NECAB3: variants seen among roughly 807,000 people sequenced by gnomAD.
NECAB3 encodes N-terminal EF-hand calcium-binding protein 3.
A neutral mutation model predicts 57.2 loss-of-function variants in NECAB3; 38 were observed. The ratio of observed to expected loss-of-function variants is 0.66; its 90% confidence interval spans 0.51 to 0.87. NECAB3 has a LOEUF of 0.87. NECAB3 is among the 40% of genes least tolerant of loss of function. NECAB3 has a pLI of 0.00. For synonymous variants in NECAB3, 223 were observed against 222.6 expected (o/e 1.00, Z -0.02); for missense variants, 474 against 527.5 (o/e 0.90, Z 0.99).
At chr20:33,662,313 G>A (rs2017502951) in intron 5 of NECAB3, 11 of 1,549,442 alleles carry the variant, frequency 7.1e-6, no homozygotes, top group Admixed American at 2.0e-5. Context: ...GACGGAGTGT[G>A]GGCCATCGTC....
intron 5 of NECAB3, chr20:33,667,725 C>T (rs750864793): frequency 1.9e-6 from 3 of 1,612,334 alleles, no homozygotes; most frequent in Non-Finnish European, 2.5e-6. Context: ...CCCGCAAGGC[C>T]ATCACACATC....
At position 33,674,343 on chromosome 20, in the gene NECAB3, C is replaced by T; in HGVS notation, c.10G>A (p.Ala4Thr). 1 of 1,200,060 alleles carries T rather than the reference C, an allele frequency of 8.3e-7. No homozygotes were observed. The highest frequency in any genetic ancestry group is 1.0e-6 in the Non-Finnish European group (1 of 967,404). 74.3% of individuals were successfully genotyped at this position (1,200,060 alleles called of 1,614,324 possible). A position where few individuals can be genotyped will look rare whatever the true frequency, so the allele number is the denominator to read the frequency against. MACAGLLTVCLLRP... is the reference protein window; with the variant it reads MACTGLLTVCLLRP... Reference sequence around the variant, plus strand: ...AGCAGGCACACGGTGAGCAGCCCCGCGCACGCCATGGCGCCGCCACCCGCT... The same window carrying T: ...AGCAGGCACACGGTGAGCAGCCCCGTGCACGCCATGGCGCCGCCACCCGCT... Residue 4 changes from alanine (A) to threonine (T), a missense_variant, in exon 1 of 12, where the codon GCG becomes ACG. Transcript: ENST00000246190.
chr20:33,660,288 A>G lies in NECAB3; in HGVS notation c.495T>C (p.Asp165=). 6.2e-7 allele frequency: 1 copy of G among 1,613,282 alleles called. No homozygotes were observed. The highest frequency in any genetic ancestry group is 8.5e-7 in the Non-Finnish European group (1 of 1,179,956). The change falls in exon 6 of 12, where the codon GAT becomes GAC. Residue 165 remains aspartate, a synonymous_variant. Transcript: ENST00000246190. The surrounding 1 kb of genome is among the most constrained non-coding windows in gnomAD (Gnocchi z 4.1). ...AGCCATGGGCCTGGGCCTCCAGGGT[A>G]TCTGACGCCCCCTCCAGCGAGCTCT... ...ALQSSLEGAS[D]TLEAQAHGWR... is the part of the protein sequence containing the mutation.
chr20:33,669,445 T>C lies in NECAB3; in HGVS notation c.317A>G (p.Tyr106Cys), dbSNP rs773114376. The C allele has an allele frequency of 1.2e-6, 2 of 1,613,674 alleles. No homozygotes were observed. The highest frequency in any genetic ancestry group is 3.3e-5 in the Admixed American group (2 of 60,012). The change falls in exon 5 of 12, where the codon TAC becomes TGC. Residue 106 changes from tyrosine to cysteine, a missense_variant. Transcript: ENST00000246190. ...CDYFSEHLGVYRPVLAALESL... is the reference protein window; with the variant it reads ...CDYFSEHLGVCRPVLAALESL... ...TTCCAATGCAGCCAGCACCGGCCGG[T>C]AGACACCCAGGTGCTCTGAGAAGTA...
intron 1 of NECAB3, among the ~76,000 whole-genome samples, chr20:33,673,915 C>T (rs2017889130): frequency 6.6e-6 from 1 of 152,070 alleles, no homozygotes; most frequent in Non-Finnish European, 1.5e-5. Context: ...GTCAGCCCAG[C>T]CTGGAGCTGC....
intron 7 of NECAB3, 75 bp downstream of exon 7, chr20:33,659,810 G>A: frequency 6.5e-7 from 1 of 1,530,580 alleles, no homozygotes; most frequent in Non-Finnish European, 8.8e-7. Flanking sequence ...GAGGGGCAGT[G>A]AAGGAGCGGG....
intron 2 of NECAB3, among the ~76,000 whole-genome samples, chr20:33,670,996 G>A (rs1043914008): frequency 2.0e-5 from 3 of 152,254 alleles, no homozygotes; most frequent in Non-Finnish European, 4.4e-5. Flanking sequence ...GAAGGCAACA[G>A]AACCTACTTT....
At position 33,669,358 on chromosome 20, in the gene NECAB3, T is replaced by A. The variant is rs2017775302; in HGVS notation, c.387+17A>T. ...CTGCCTCACAGTGGATCCCCCACCA[T>A]CAGCCACTCCACTCACCAGCTTGGT... On this transcript the variant is annotated intron_variant, in intron 5 of 11. Coordinates refer to ENST00000246190, the MANE Select transcript of NECAB3 (RefSeq NM_031232.4). 6.2e-7 allele frequency: 1 copy of A among 1,611,502 alleles called. No individual in the cohort carries two copies. Among genetic ancestry groups the A allele is most frequent in the Admixed American group, 1.7e-5 (1 of 59,986 alleles).
rs200760089 is a variant in NECAB3, at chr20:33,674,248, G to A, written c.105C>T (p.Pro35=). Residue 35 remains proline (P), a synonymous_variant, in exon 1 of 12, where the codon CCC becomes CCT. Transcript: ENST00000246190. ...RHPQLAPDPG[P]AGHTLFQDVF... ...CGTCCTGGAAGAGCGTGTGTCCGGC[G>A]GGCCCCGGGTCGGGCGCGAGCTGGG... The A allele has an allele frequency of 2.4e-6, 3 of 1,239,106 alleles. No individual in the cohort carries two copies. Among genetic ancestry groups the A allele is most frequent in the East Asian group, 3.1e-5 (1 of 31,870 alleles). The allele number at this position is 1,239,106 out of a possible 1,614,324, so 76.8% of individuals were successfully genotyped here.
intron 5 of NECAB3, chr20:33,663,684 G>A (rs1448352522): frequency 1.3e-6 from 2 of 1,585,162 alleles, no homozygotes; most frequent in East Asian, 2.3e-5. Context: ...AGCCGAGGAT[G>A]CCGGTACTGC....
At chr20:33,659,860 G>T in intron 7 of NECAB3, 25 bp downstream of exon 7, 1 of 1,539,994 alleles carries the variant, frequency 6.5e-7, no homozygotes, top group South Asian at 1.2e-5. Context: ...CCTCGGCCAG[G>T]CCTCCCACCC....
chr20:33,672,446 A>G (rs545840099), intron 1 of NECAB3, 24 bp from the exon 2 acceptor site: 2 of 1,613,968 alleles, frequency 1.2e-6, no homozygotes, highest in East Asian at 4.5e-5. Flanking sequence ...GGACATAGAG[A>G]GAACTGTGAG....
At chr20:33,670,388 C>A (rs552772472) in intron 3 of NECAB3, 2 of 352,340 alleles carry the variant, frequency 5.7e-6, no homozygotes, top group South Asian at 5.4e-5. Flanking sequence ...TGGAAGCAGG[C>A]GGGGCCCAGC....
At position 33,662,263 on chromosome 20, in the gene NECAB3, C is replaced by T. The variant is rs541762240; in HGVS notation, c.388-1868G>A. On this transcript the variant is annotated intron_variant, in intron 5 of 11. Coordinates refer to ENST00000246190, the MANE Select transcript of NECAB3 (RefSeq NM_031232.4). ...GAGCCTGCAATTGGTGAGGTCAGCC[C>T]GTGAGGTCACAATGTTGCCAGGGCC... 1.8e-5 allele frequency: 27 copies of T among 1,511,226 alleles called. No individual in the cohort carries two copies. In the East Asian group the frequency reaches 2.0e-4, roughly 11 times the overall value. 93.6% of individuals were successfully genotyped at this position (1,511,226 alleles called of 1,614,324 possible). A position where few individuals can be genotyped will look rare whatever the true frequency, so the allele number is the denominator to read the frequency against.
intron 9 of NECAB3, 80 bp downstream of exon 9, chr20:33,658,642 A>C: frequency 6.3e-7 from 1 of 1,596,330 alleles, no homozygotes. Context: ...ACCCTGACCC[A>C]CCCAGGATGG....
At chr20:33,668,092 C>G in intron 5 of NECAB3, 1 of 1,600,738 alleles carries the variant, frequency 6.2e-7, no homozygotes, top group East Asian at 2.3e-5. Flanking sequence ...GCGGCCCCAC[C>G]TGGTGGCCAA....
chr20:33,672,190 C>A (rs2017841688), intron 2 of NECAB3: 3 of 624,176 alleles, frequency 4.8e-6, no homozygotes, highest in Admixed American at 2.8e-5. Flanking sequence ...CAGTCCGTGG[C>A]CAAACCACAT....
intron 5 of NECAB3, chr20:33,663,486 C>T (rs906505629): frequency 3.2e-6 from 5 of 1,563,368 alleles, no homozygotes; most frequent in Non-Finnish European, 4.3e-6. Context: ...GTCGTGGGCT[C>T]GGCCCTAGCG....
intron 5 of NECAB3, chr20:33,667,946 A>G (rs1336646382): frequency 6.4e-7 from 1 of 1,554,116 alleles, no homozygotes; most frequent in Non-Finnish European, 8.7e-7. Context: ...GCGCTGCAGA[A>G]GATGCCCAAA....
Sources: gnomAD v4.1 joint callset for allele counts (sites outside exome capture counted in the v4.1 genomes callset) on GRCh38, gnomAD v4.1.1 for gene constraint, Gnocchi (gnomAD v3.1) non-coding constraint, MANE v1.5 for transcripts, NCBI Gene and HGNC (gene_info 2026-07-23, HGNC 2026-07-21) for gene names.